The following HELZ variants were observed in gnomAD, a reference collection of about 807,000 sequenced individuals.
HELZ encodes helicase with zinc finger.
Under a neutral mutation model 218.2 loss-of-function variants are expected in HELZ, and 23 were observed. The observed-to-expected ratio is 0.11, with a 90% CI of 0.08 to 0.15. The LOEUF is 0.15. Ranked by LOEUF, HELZ falls within the 10% of genes least tolerant of loss-of-function variation. The pLI is 1.00. For synonymous variants in HELZ, 814 were observed against 829.4 expected, an observed-to-expected ratio of 0.98 and a Z score of 0.32; for missense variants, 1,813 against 2,353.7, an observed-to-expected ratio of 0.77 and a Z score of 4.75.
Position 67,161,190 on chromosome 17 carries a change from T to C in HELZ, c.1896-114A>G, listed in dbSNP as rs555099181. The C allele has an allele frequency of 2.8e-5, 20 of 721,940 alleles. No homozygotes were observed. In the African/African-American group the frequency reaches 3.1e-4, roughly 11 times the overall value. 44.7% of individuals were successfully genotyped at this position (721,940 alleles called of 1,614,324 possible). ...TTAAAACCACTGAAATAGCATAGCA[T>C]CTATAAAAACAAATGCTTATTCTAA... On this transcript the variant is annotated intron_variant, in intron 15 of 32. Coordinates refer to ENST00000358691, the MANE Select transcript of HELZ (RefSeq NM_014877.4).
intron 8 of HELZ, among the ~76,000 whole-genome samples, chr17:67,194,518 G>A (rs755453700): frequency 2.0e-5 from 3 of 152,184 alleles, no homozygotes; most frequent in Non-Finnish European, 4.4e-5. Context: ...AGATTTGTCT[G>A]ACACGTCACT....
chr17:67,146,012 C>G (rs1368866648), intron 20 of HELZ, 122 bp from the exon 21 acceptor site: 2 of 826,754 alleles, frequency 2.4e-6, no homozygotes, highest in African/African-American at 1.7e-5. Flanking sequence ...TAATTTTACT[C>G]CAATCATCTA....
intron 23 of HELZ, among the ~76,000 whole-genome samples, chr17:67,134,598 C>CTA (rs1427408901): frequency 2.0e-5 from 3 of 151,920 alleles, no homozygotes; most frequent in Non-Finnish European, 4.4e-5. Context: ...TAGCTTTCCC[C>CTA]TATAAAGGAT....
chr17:67,240,861 T>C (rs1021077404), intron 2 of HELZ, among the ~76,000 whole-genome samples: 2 of 152,238 alleles, frequency 1.3e-5, no homozygotes, highest in African/African-American at 4.8e-5. Flanking sequence ...GTTGAAAAAC[T>C]TTCCATTTCT....
At chr17:67,120,222 T>C (rs1466322664) in intron 27 of HELZ, among the ~76,000 whole-genome samples, 183 bp downstream of exon 27, 1 of 151,852 alleles carries the variant, frequency 6.6e-6, no homozygotes, top group African/African-American at 2.4e-5. Context: ...GCCAGGATGG[T>C]CTCGATCTCC....
chr17:67,152,520 C>T (rs1021870483), intron 17 of HELZ, among the ~76,000 whole-genome samples: 2 of 151,996 alleles, frequency 1.3e-5, no homozygotes, highest in African/African-American at 4.8e-5. Context: ...GGAATGATTC[C>T]ACGCCTTTGA....
At chr17:67,233,110 G>A (rs1223560772) in intron 3 of HELZ, among the ~76,000 whole-genome samples, 1 of 152,226 alleles carries the variant, frequency 6.6e-6, no homozygotes. Context: ...CTCCAGCTTA[G>A]GCGAAGAAGC....
chr17:67,120,312 G>T, intron 27 of HELZ, 93 bp downstream of exon 27: 1 of 1,045,662 alleles, frequency 9.6e-7, no homozygotes, highest in Non-Finnish European at 1.5e-6. Flanking sequence ...CCATGAAAAA[G>T]TTAACAATCA....
intron 9 of HELZ, among the ~76,000 whole-genome samples, chr17:67,191,555 G>A (rs899077442): frequency 2.6e-5 from 4 of 152,030 alleles, no homozygotes; most frequent in Admixed American, 1.3e-4. Context: ...GGGTTCAAGG[G>A]ATGCTCCTGC....
upstream of HELZ, chr17:67,245,361 G>A (rs1016915888): frequency 2.8e-6 from 2 of 715,596 alleles, no homozygotes; most frequent in African/African-American, 2.0e-5. Context: ...CCCCTCCCCC[G>A]GGCTGACGGC....
chr17:67,109,182 G>T lies in HELZ; in HGVS notation c.4423C>A (p.Leu1475Ile), dbSNP rs1402469633. Residue 1475 changes from leucine to isoleucine, a missense_variant, in exon 29 of 33, where the codon CTT (leucine) becomes ATT (isoleucine). By Grantham distance (5) the Leu-to-Ile change is conservative. Transcript: ENST00000358691. Reference protein sequence around the residue: ...LRAIAQPGPILPSHLNSFIDE... With the variant: ...LRAIAQPGPIIPSHLNSFIDE... ...ATGAAGCTATTCAGATGTGAAGGAAGAATGGGGCCGGGTTGTGCAATGGCT... is the reference window on the plus strand; with the variant it reads ...ATGAAGCTATTCAGATGTGAAGGAATAATGGGGCCGGGTTGTGCAATGGCT... 2.5e-6 allele frequency: 4 copies of T among 1,614,116 alleles called. No individual in the cohort carries two copies. In the South Asian group the frequency reaches 4.4e-5, roughly 18 times the overall value.
chr17:67,209,033 A>AAGGGAGAGAGGGAGGGAGGGAGGG lies in HELZ; in HGVS notation c.248-5591_248-5590insCCCTCCCTCCCTCCCTCTCTCCCT, dbSNP rs1555623977. On this transcript the variant is annotated intron_variant, in intron 5 of 32. Coordinates refer to ENST00000358691, the MANE Select transcript of HELZ (RefSeq NM_014877.4). ...GAAGGAAGGAAGGAAGGAAGGGAGGAAGGGAGGGAGGGAGGGAGGGAGGGA... is the reference window on the plus strand; with the variant it reads ...GAAGGAAGGAAGGAAGGAAGGGAGGAAGGGAGAGAGGGAGGGAGGGAGGGAGGGAGGGAGGGAGGGAGGGAGGGA... Among the ~76,000 whole-genome samples the AAGGGAGAGAGGGAGGGAGGGAGGG allele has an allele frequency of 1.9e-3, 218 of 112,400 alleles. 2 individuals are homozygous for AAGGGAGAGAGGGAGGGAGGGAGGG. The highest frequency in any genetic ancestry group is 7.5e-3 in the African/African-American group (199 of 26,428). The allele number at this position is 112,400 out of a possible 152,430, so 73.7% of individuals were successfully genotyped here.
intron 5 of HELZ, among the ~76,000 whole-genome samples, chr17:67,211,368 CTT>C (rs1457188720): frequency 2.0e-5 from 3 of 152,054 alleles, no homozygotes; most frequent in South Asian, 4.2e-4. Flanking sequence ...GTTATGCAGT[CTT>C]GATCTTATTT....
chr17:67,222,927 CG>C (rs1435799832), intron 3 of HELZ, among the ~76,000 whole-genome samples: 2 of 152,002 alleles, frequency 1.3e-5, no homozygotes, highest in Non-Finnish European at 2.9e-5. Flanking sequence ...GCTACCTGAA[CG>C]TAACAGCCAG....
chr17:67,109,210 C>T lies in HELZ; in HGVS notation c.4395G>A (p.Leu1465=), dbSNP rs2037200888. The part of the protein sequence containing the change: ...PPMLQEGHSP[L]RAIAQPGPIL... ...TGGGGCCGGGTTGTGCAATGGCTCT[C>T]AGAGGACTGTGGCCTTCTTGCAGCA... Residue 1465 remains leucine, a synonymous_variant, in exon 29 of 33, where the codon CTG becomes CTA. Coordinates refer to ENST00000358691, the MANE Select transcript of HELZ (RefSeq NM_014877.4). The T allele has an allele frequency of 6.2e-7, 1 of 1,614,034 alleles. No homozygotes were observed. The highest frequency in any genetic ancestry group is 1.3e-5 in the African/African-American group (1 of 74,914).
chr17:67,152,106 G>A (rs966859404), intron 17 of HELZ, among the ~76,000 whole-genome samples: 8 of 152,192 alleles, frequency 5.3e-5, no homozygotes, highest in African/African-American at 1.9e-4. Context: ...TGGTGGGGGT[G>A]GATAGCGGTG....
intron 3 of HELZ, among the ~76,000 whole-genome samples, chr17:67,227,584 G>A (rs748239442): frequency 7.9e-5 from 12 of 152,186 alleles, no homozygotes; most frequent in Non-Finnish European, 1.8e-4. Context: ...GCATATGTAG[G>A]TTTTAGAGAC....
At position 67,107,691 on chromosome 17, in the gene HELZ, T is replaced by A. The variant is rs920119088; in HGVS notation, c.4725-6A>T. ...CTCTGATTAAGTCTTGAAACCTACA[T>A]GAAAACAATAAAATATGAGGAGAAA... On this transcript the variant is annotated splice_polypyrimidine_tract_variant and splice_region_variant and intron_variant, in intron 30 of 32. Transcript: ENST00000358691. 1 of 1,602,744 alleles carries A rather than the reference T, an allele frequency of 6.2e-7. No individual in the cohort carries two copies. The highest frequency in any genetic ancestry group is 8.5e-7 in the Non-Finnish European group (1 of 1,175,252).
chr17:67,117,953 T>C (rs1188375453), intron 27 of HELZ, among the ~76,000 whole-genome samples: 1 of 152,208 alleles, frequency 6.6e-6, no homozygotes, highest in Non-Finnish European at 1.5e-5. Context: ...ATTGTTAAGA[T>C]GTTAATTCTC....
Sources: gnomAD v4.1 joint callset for allele counts (sites outside exome capture counted in the v4.1 genomes callset) on GRCh38, gnomAD v4.1.1 for gene constraint, MANE v1.5 for transcripts, NCBI Gene and HGNC (gene_info 2026-07-23, HGNC 2026-07-21) for gene names.